TBC1D8: variants seen among roughly 807,000 people sequenced by gnomAD.
TBC1D8 encodes BUB2-like protein 1.
A neutral mutation model predicts 118.8 loss-of-function variants in TBC1D8; 65 were observed. The ratio of observed to expected loss-of-function variants is 0.55; its 90% CI spans 0.45 to 0.67. The LOEUF (loss-of-function observed/expected upper bound fraction) is 0.67, where lower values mean the gene tolerates loss of function less well. Ranked by LOEUF, TBC1D8 falls within the 30% of genes least tolerant of loss-of-function variation. The probability of loss-of-function intolerance (pLI) is 0.00; values close to 1 mark genes in which losing one functional copy is unlikely to be tolerated. For missense variants in TBC1D8, 1,376 were observed against 1,471.2 expected (o/e 0.94, Z 1.06); for synonymous variants, 566 against 595.8 (o/e 0.95, Z 0.73).
At chr2:101,071,374 T>TAAA (rs1674422632) in intron 2 of TBC1D8, among the ~76,000 whole-genome samples, 1 of 150,720 alleles carries the variant, frequency 6.6e-6, no homozygotes. Flanking sequence ...AACAAATAAA[T>TAAA]AAATAAATAA....
chr2:101,081,252 C>A (rs1157847177), intron 2 of TBC1D8, among the ~76,000 whole-genome samples: 1 of 152,210 alleles, frequency 6.6e-6, no homozygotes, highest in African/African-American at 2.4e-5. Context: ...TGCCCCTGCC[C>A]ACCAGGTAAG....
chr2:101,136,927 C>T (rs1185538829), intron 1 of TBC1D8, among the ~76,000 whole-genome samples: 1 of 152,130 alleles, frequency 6.6e-6, no homozygotes, highest in African/African-American at 2.4e-5. Context: ...TCTGAGGCTG[C>T]GCAATGCTCT....
intron 1 of TBC1D8, among the ~76,000 whole-genome samples, chr2:101,102,751 G>C (rs2105470683): frequency 6.6e-6 from 1 of 151,720 alleles, no homozygotes; most frequent in African/African-American, 2.4e-5. Context: ...GAATAAAGAG[G>C]GGTATTACAG....
chr2:101,021,616 A>G, intron 17 of TBC1D8, 65 bp downstream of exon 17: 2 of 1,105,356 alleles, frequency 1.8e-6, no homozygotes, highest in Non-Finnish European at 2.7e-6. Context: ...CTTCAGAGTC[A>G]TGCACAAAGC....
chr2:101,035,942 G>T, intron 9 of TBC1D8, 76 bp downstream of exon 9: 1 of 1,533,332 alleles, frequency 6.5e-7, no homozygotes, highest in Non-Finnish European at 8.9e-7. Context: ...ATAAACACAC[G>T]CGCTGCTCGG....
At chr2:101,117,720 C>G (rs1179055148) in intron 1 of TBC1D8, among the ~76,000 whole-genome samples, 1 of 151,660 alleles carries the variant, frequency 6.6e-6, no homozygotes, top group Non-Finnish European at 1.5e-5. Flanking sequence ...ACTACAGGCG[C>G]CCGCCACCAT....
At chr2:101,115,891 C>T (rs369757159) in intron 1 of TBC1D8, among the ~76,000 whole-genome samples, 4 of 152,218 alleles carry the variant, frequency 2.6e-5, no homozygotes, top group South Asian at 2.1e-4. Flanking sequence ...GTTACGCACA[C>T]GCCAGCAAGG....
chr2:101,077,501 C>A (rs1674921641), intron 2 of TBC1D8, among the ~76,000 whole-genome samples: 2 of 152,224 alleles, frequency 1.3e-5, no homozygotes, highest in South Asian at 4.1e-4. Context: ...CCCGCCTCGG[C>A]CTCCCAAAGT....
chr2:101,096,739 G>A (rs141651657), intron 1 of TBC1D8, among the ~76,000 whole-genome samples: 2 of 151,960 alleles, frequency 1.3e-5, no homozygotes, highest in Admixed American at 1.3e-4. Context: ...AAATCAGTGA[G>A]CTAGAAGATA....
At chr2:101,066,306 T>C in intron 2 of TBC1D8, among the ~76,000 whole-genome samples, 1 of 151,640 alleles carries the variant, frequency 6.6e-6, no homozygotes, top group East Asian at 1.9e-4. Flanking sequence ...TAAAATAAAA[T>C]AAATATAAAT....
At chr2:101,037,734 G>C in intron 7 of TBC1D8, 26 bp from the exon 8 acceptor site, 1 of 1,566,272 alleles carries the variant, frequency 6.4e-7, no homozygotes, top group Non-Finnish European at 8.7e-7. Flanking sequence ...GACAGAGACA[G>C]AGAGAGAGAG....
At chr2:101,084,871 C>G (rs1675505966) in intron 2 of TBC1D8, among the ~76,000 whole-genome samples, 2 of 126,094 alleles carry the variant, frequency 1.6e-5, no homozygotes, top group Non-Finnish European at 3.2e-5. Context: ...TTTTTTGAGA[C>G]AGAGTCTCGC....
At chr2:101,098,016 C>T (rs1676581432) in intron 1 of TBC1D8, among the ~76,000 whole-genome samples, 1 of 152,050 alleles carries the variant, frequency 6.6e-6, no homozygotes, top group Non-Finnish European at 1.5e-5. Flanking sequence ...ATGCTAAAGA[C>T]AGCAAATAGA....
chr2:101,148,237 CA>C (rs1189450938), intron 1 of TBC1D8, among the ~76,000 whole-genome samples: 7 of 152,286 alleles, frequency 4.6e-5, no homozygotes, highest in African/African-American at 1.7e-4. Context: ...TGAGAAGAGA[CA>C]GGGGTTGTTC....
rs763470026 is a variant in TBC1D8 at position 101,037,550 on chromosome 2, C to G, written c.1434G>C (p.Gln478His). ...CACCCACCATTCGGGAGTCAGGGCT[C>G]TGGCTGCCTGACTGCTGGAAGGCGG... ...LVTAFQQSGS[Q>H]SPDSRMSREQ... is the part of the protein sequence containing the mutation. The change falls in exon 8 of 20, where the codon CAG becomes CAC. Residue 478 changes from glutamine (Q) to histidine (H), a missense_variant. Transcript: ENST00000409318. The G allele has an allele frequency of 5.0e-6, 8 of 1,612,642 alleles. No individual in the cohort carries two copies. The highest frequency in any genetic ancestry group is 3.3e-5 in the South Asian group (3 of 91,030).
At chr2:101,107,122 A>G (rs1429602151) in intron 1 of TBC1D8, among the ~76,000 whole-genome samples, 2 of 152,228 alleles carry the variant, frequency 1.3e-5, no homozygotes, top group African/African-American at 4.8e-5. Flanking sequence ...CGTGAGAGCC[A>G]GGTTTCTCAC....
intron 2 of TBC1D8, among the ~76,000 whole-genome samples, chr2:101,069,925 T>G (rs1452165680): frequency 6.6e-6 from 1 of 152,094 alleles, no homozygotes; most frequent in African/African-American, 2.4e-5. Flanking sequence ...TACTTTTTTT[T>G]TTTTTTTCAC....
intron 5 of TBC1D8, among the ~76,000 whole-genome samples, chr2:101,043,097 G>A (rs1681482200): frequency 6.6e-6 from 1 of 152,200 alleles, no homozygotes; most frequent in Non-Finnish European, 1.5e-5. Flanking sequence ...AAAGTCCTCT[G>A]GACACATACA....
intron 1 of TBC1D8, among the ~76,000 whole-genome samples, chr2:101,124,478 T>TA (rs1277221540): frequency 6.6e-6 from 1 of 151,956 alleles, no homozygotes; most frequent in Non-Finnish European, 1.5e-5. Context: ...ATACTAACAC[T>TA]AAAAAACAAC....
Sources: gnomAD v4.1 joint callset for allele counts (sites outside exome capture counted in the v4.1 genomes callset) on GRCh38, gnomAD v4.1.1 for gene constraint, MANE v1.5 for transcripts, NCBI Gene and HGNC (gene_info 2026-07-23, HGNC 2026-07-21) for gene names.